VWF: variants seen among roughly 807,000 people sequenced by gnomAD.
VWF encodes the protein von Willebrand factor, also known as Factor VIII related antigen.
A neutral mutation model predicts 308.6 loss-of-function variants in VWF; 176 were observed. The ratio of observed to expected loss-of-function variants is 0.57; its 90% CI spans 0.50 to 0.65. The LOEUF (loss-of-function observed/expected upper bound fraction) is 0.65, where lower values mean the gene tolerates loss of function less well. Ranked by LOEUF, VWF falls within the 30% of genes least tolerant of loss-of-function variation. The pLI is 0.00. For synonymous variants in VWF, 1,385 were observed against 1,443.4 expected (o/e 0.96, Z 0.92); for missense variants, 3,146 against 3,648.2 (o/e 0.86, Z 3.55).
chr12:6,117,029 C>T (rs866708134), intron 3 of VWF, among the ~76,000 whole-genome samples: 1 of 152,174 alleles, frequency 6.6e-6, no homozygotes, highest in Non-Finnish European at 1.5e-5. Flanking sequence ...AATTCTTCCT[C>T]TTCTCCCACA....
intron 15 of VWF, among the ~76,000 whole-genome samples, chr12:6,054,831 T>C (rs553265854): frequency 2.6e-5 from 4 of 152,346 alleles, no homozygotes; most frequent in East Asian, 1.9e-4. Context: ...GCTCTGTTCA[T>C]TTCTCTGGAA....
rs1389202589 is a variant in VWF, at chr12:6,021,994, C to T, written c.3580G>A (p.Glu1194Lys). ...DELLQTCVDPEDCPVCEVAGR... is the reference protein window; with the variant it reads ...DELLQTCVDPKDCPVCEVAGR... ...GCCACCTCACACACTGGACAGTCTT[C>T]AGGGTCAACGCAGGTCTGCAAAAGC... The change falls in exon 27 of 52, where the codon GAA becomes AAA. Residue 1194 changes from glutamate to lysine, a missense_variant. Physicochemically the swap from Glu to Lys is moderately conservative, Grantham distance 56 (BLOSUM62 1). This residue lies in a region of VWF where 853 missense variants were observed against 1,177.8 expected (regional missense o/e 0.72). Coordinates refer to ENST00000261405, the MANE Select transcript of VWF (RefSeq NM_000552.5). The T allele has an allele frequency of 5.6e-6, 9 of 1,614,226 alleles. No individual in the cohort carries two copies. The South Asian group carries it at 9.9e-5, about 18-fold the overall frequency.
intron 3 of VWF, among the ~76,000 whole-genome samples, chr12:6,113,423 G>A (rs1454952058): frequency 1.3e-5 from 2 of 151,088 alleles, no homozygotes; most frequent in East Asian, 2.0e-4. Flanking sequence ...TCAGCCTCCC[G>A]AGTAGCTGGG....
chr12:6,016,678 G>A (rs753213702), intron 29 of VWF, 22 bp from the exon 30 acceptor site: 87 of 1,614,072 alleles, frequency 5.4e-5, no homozygotes, highest in South Asian at 4.6e-4. Context: ...GAGAAAATGC[G>A]GATTATTTTG....
At chr12:6,115,195 C>T (rs1945349168) in intron 3 of VWF, among the ~76,000 whole-genome samples, 1 of 151,818 alleles carries the variant, frequency 6.6e-6, no homozygotes, top group African/African-American at 2.4e-5. Flanking sequence ...TGCCACCATG[C>T]CCAGCTAATT....
intron 47 of VWF, among the ~76,000 whole-genome samples, chr12:5,957,585 T>A (rs1190422973): frequency 2.0e-5 from 3 of 149,432 alleles, no homozygotes; most frequent in Admixed American, 6.6e-5. Context: ...TCATCAGAAA[T>A]AACACAAGCC....
rs1477256510 is a variant in VWF, at chr12:6,019,809, A to G, written c.3675-66T>C. 9 of 1,522,774 alleles carry G rather than the reference A, an allele frequency of 5.9e-6. No homozygotes were observed. Among genetic ancestry groups the G allele is most frequent in the African/African-American group, 1.4e-5 (1 of 73,074 alleles). The allele number at this position is 1,522,774 out of a possible 1,614,324, so 94.3% of individuals were successfully genotyped here. ...ACCTGTGGACACTTCTGAGCCCTAC[A>G]GTGTACAATGACTTCCATATTCCCA... On this transcript the variant is annotated intron_variant, in intron 27 of 51. Coordinates refer to ENST00000261405, the MANE Select transcript of VWF (RefSeq NM_000552.5). This position sits in a 1 kb window ranked among gnomAD's most constrained non-coding sequence, Gnocchi z 5.8.
chr12:6,032,723 G>GAC (rs1041352538), intron 20 of VWF, among the ~76,000 whole-genome samples: 1 of 151,618 alleles, frequency 6.6e-6, no homozygotes, highest in South Asian at 2.1e-4. Context: ...TTACCTTTCT[G>GAC]ACACACACAC....
At position 6,052,737 on chromosome 12, in the gene VWF, G is replaced by A. The variant is rs1944531555; in HGVS notation, c.1992C>T (p.Pro664=). 1 of 1,614,194 alleles carries A rather than the reference G, an allele frequency of 6.2e-7. No homozygotes were observed. The highest frequency in any genetic ancestry group is 1.3e-5 in the African/African-American group (1 of 75,060). ...AGAGAGAGCGGCAGGTCAGGTTGCA[G>A]GGGGTCCCGCACTGCAGGTACACCT... ...KGQVYLQCGT[P]CNLTCRSLSY... Residue 664 remains proline, a synonymous_variant, in exon 16 of 52, where the codon CCC becomes CCT. Transcript: ENST00000261405.
chr12:5,964,061 A>G (rs1016297466), intron 47 of VWF, among the ~76,000 whole-genome samples: 1 of 151,754 alleles, frequency 6.6e-6, no homozygotes, highest in Admixed American at 6.6e-5. Context: ...CAAAAAAAAG[A>G]AAAAAATTAG....
At chr12:6,004,600 A>T (rs1189377604) in intron 34 of VWF, among the ~76,000 whole-genome samples, 2 of 152,076 alleles carry the variant, frequency 1.3e-5, no homozygotes, top group Non-Finnish European at 2.9e-5. Context: ...CTATTTGCAA[A>T]TGACAAACCA....
At chr12:6,025,825 C>T (rs1177827239) in intron 23 of VWF, 81 bp downstream of exon 23, 4 of 1,610,026 alleles carry the variant, frequency 2.5e-6, no homozygotes, top group African/African-American at 1.3e-5. Flanking sequence ...ACCCCCCTTC[C>T]AGCCCCCATG....
At chr12:6,109,712 A>G (rs28504205) in intron 5 of VWF, among the ~76,000 whole-genome samples, 17,699 of 152,084 alleles carry the variant, frequency 0.12, 2,913 homozygotes, top group African/African-American at 0.37. Flanking sequence ...GTGAAGCGGC[A>G]CGATCACTGC....
chr12:6,025,785 T>C lies in VWF; in HGVS notation c.3109-92A>G, dbSNP rs918547733. 8.9e-6 allele frequency: 14 copies of C among 1,574,466 alleles called. No individual in the cohort carries two copies. In the African/African-American group the frequency reaches 1.6e-4, roughly 18 times the overall value. ...ATCCAAGAGACCCTCCTTCCCACCC[T>C]GCAGCCACCTGGAGGTCATACCACC... On this transcript the variant is annotated intron_variant, in intron 23 of 51. Coordinates refer to ENST00000261405, the MANE Select transcript of VWF (RefSeq NM_000552.5).
chr12:5,967,754 C>G (rs1005774305), intron 46 of VWF, 152 bp from the exon 47 acceptor site: 29 of 769,686 alleles, frequency 3.8e-5, no homozygotes, highest in Non-Finnish European at 6.3e-5. Context: ...ACTGCCTTCC[C>G]GTCCTCCCAC....
chr12:6,057,021 G>C lies in VWF; in HGVS notation c.1781C>G (p.Ala594Gly), dbSNP rs267607308. The C allele has an allele frequency of 1.2e-4, 192 of 1,550,262 alleles. No homozygotes were observed. The highest frequency in any genetic ancestry group is 1.7e-4 in the Middle Eastern group (1 of 5,720). Residue 594 changes from alanine to glycine, a missense_variant, in exon 15 of 52, where the codon GCC becomes GGC. Ala to Gly is a moderately conservative substitution (Grantham distance 60). Around this residue, in one of 3 missense-constraint regions of VWF, gnomAD observed 1,304 missense variants for 1,353.0 expected, o/e 0.96. Coordinates refer to ENST00000261405, the MANE Select transcript of VWF (RefSeq NM_000552.5). ...CAGCGGGCTGACGGCACGATGGCAG[G>C]CCTCGAATGTGGGGGACGTCAGGAC... ...CAVLTSPTFE[A>G]CHRAVSPLPY...
chr12:6,019,397 G>A lies in VWF; in HGVS notation c.4021C>T (p.Arg1341Trp), dbSNP rs61749402. Residue 1341 changes from arginine to tryptophan, a missense_variant, in exon 28 of 52, where the codon CGG (arginine) becomes TGG (tryptophan). Around this residue, in one of 3 missense-constraint regions of VWF, gnomAD observed 853 missense variants for 1,177.8 expected, o/e 0.72. Coordinates refer to ENST00000261405, the MANE Select transcript of VWF (RefSeq NM_000552.5). This position sits in a 1 kb window ranked among gnomAD's most constrained non-coding sequence, Gnocchi z 5.8. ...TACTTCACCTGGCTGGCAATGCGCC[G>A]CAGCTCTGACGGTCGCTTCCGGTCC... ...LKDRKRPSEL[R>W]RIASQVKYAG... 1.9e-5 allele frequency: 30 copies of A among 1,613,842 alleles called. No individual in the cohort carries two copies. Among genetic ancestry groups the A allele is most frequent in the Admixed American group, 1.3e-4 (8 of 60,002 alleles).
intron 38 of VWF, 46 bp downstream of exon 38, chr12:5,991,773 C>G (rs747625338): frequency 5.6e-6 from 9 of 1,605,794 alleles, no homozygotes; most frequent in Non-Finnish European, 6.8e-6. Context: ...CCTTTTGACC[C>G]AAGAGGGAAG....
At chr12:6,073,900 C>T (rs547296066) in intron 7 of VWF, among the ~76,000 whole-genome samples, 159 bp from the exon 8 acceptor site, 121 of 152,292 alleles carry the variant, frequency 7.9e-4, no homozygotes, top group African/African-American at 2.7e-3. Context: ...CACGTGCCCC[C>T]CTGAGGCCAC....
Sources: allele counts gnomAD v4.1 joint callset (sites outside exome capture counted in the v4.1 genomes callset), GRCh38; gene constraint gnomAD v4.1.1; regional missense constraint gnomAD v4.1.1; non-coding constraint Gnocchi (gnomAD v3.1); transcripts MANE v1.5; gene names NCBI Gene and HGNC (gene_info 2026-07-23, HGNC 2026-07-21).